The following ATP2B2 variants were observed in gnomAD, a reference collection of about 807,000 sequenced individuals.
The protein encoded by ATP2B2 is ATPase plasma membrane Ca2+ transporting 2.
In ATP2B2, 15 loss-of-function variants were observed where a neutral mutation model predicts 120.0. That is an observed-to-expected ratio of 0.12 (90% CI 0.08 to 0.19). The LOEUF is 0.19. Among genes scored for constraint, ATP2B2 ranks in the 10% least tolerant of loss-of-function variants. ATP2B2 has a pLI of 1.00. For missense variants in ATP2B2, 1,045 were observed against 1,719.8 expected, an observed-to-expected ratio of 0.61 and a Z score of 6.94; for synonymous variants, 694 against 700.3, an observed-to-expected ratio of 0.99 and a Z score of 0.14.
chr3:10,602,073 G>C (rs1256611887), intron 2 of ATP2B2, among the ~76,000 whole-genome samples: 1 of 152,234 alleles, frequency 6.6e-6, no homozygotes, highest in East Asian at 1.9e-4. Flanking sequence ...TGAGGCTCCA[G>C]CGGCTCTCCT....
chr3:10,628,577 T>G (rs2069773579), intron 1 of ATP2B2, among the ~76,000 whole-genome samples: 1 of 152,192 alleles, frequency 6.6e-6, no homozygotes, highest in African/African-American at 2.4e-5. Flanking sequence ...CATGCAATAG[T>G]GAAAGTGATG....
chr3:10,631,371 T>C (rs985579228), intron 1 of ATP2B2, among the ~76,000 whole-genome samples: 151 of 152,350 alleles, frequency 9.9e-4, no homozygotes, highest in African/African-American at 3.5e-3. Flanking sequence ...AGGTCCATCT[T>C]TCCTTTAGGA....
chr3:10,465,540 T>C (rs925947923), intron 1 of ATP2B2, among the ~76,000 whole-genome samples: 1 of 152,256 alleles, frequency 6.6e-6, no homozygotes, highest in Non-Finnish European at 1.5e-5. Flanking sequence ...GGATCTGTCC[T>C]CTGTGAGACA....
chr3:10,359,293 T>G (rs2060828864), intron 13 of ATP2B2, among the ~76,000 whole-genome samples: 1 of 152,082 alleles, frequency 6.6e-6, no homozygotes, highest in African/African-American at 2.4e-5. Context: ...GCCCCAGAGG[T>G]TCCAGTTCAA....
intron 2 of ATP2B2, among the ~76,000 whole-genome samples, chr3:10,610,112 CAT>C (rs1382112520): frequency 5.5e-4 from 79 of 144,684 alleles, no homozygotes; most frequent in African/African-American, 2.0e-3. Flanking sequence ...CATATATACA[CAT>C]ATATGCATAA....
chr3:10,524,328 T>C (rs1407800412), intron 3 of ATP2B2, among the ~76,000 whole-genome samples: 1 of 152,212 alleles, frequency 6.6e-6, no homozygotes, highest in Non-Finnish European at 1.5e-5. Context: ...CTAAGCACTA[T>C]ACCCACACCA....
At chr3:10,640,298 A>G (rs1207024071) in intron 1 of ATP2B2, among the ~76,000 whole-genome samples, 5 of 152,236 alleles carry the variant, frequency 3.3e-5, no homozygotes, top group African/African-American at 9.6e-5. Flanking sequence ...GACAGAAAGG[A>G]CAGGGGTTTC....
rs2067071082 is a variant in ATP2B2 at position 10,525,376 on chromosome 3, GA to G, written c.-320+8662del. On this transcript the variant is annotated intron_variant, in intron 3 of 21. Coordinates refer to the ATP2B2 transcript ENST00000646379. ...ATCTTGAAATAACCTTTTTGTTTTA[GA>G]AGAGTTTTAGATTTACAAAAAAATT... Among the ~76,000 whole-genome samples, 5 of 152,214 alleles carry G rather than the reference GA, an allele frequency of 3.3e-5. No individual in the cohort carries two copies. In the South Asian group the frequency reaches 1.0e-3, roughly 32 times the overall value.
intron 5 of ATP2B2, among the ~76,000 whole-genome samples, chr3:10,397,969 AG>A (rs747348036): frequency 6.6e-6 from 1 of 151,828 alleles, no homozygotes; most frequent in Non-Finnish European, 1.5e-5. Flanking sequence ...GTTTGAGCTG[AG>A]CCACACTCCT....
At chr3:10,530,861 A>C (rs1185011548) in intron 3 of ATP2B2, among the ~76,000 whole-genome samples, 1 of 152,196 alleles carries the variant, frequency 6.6e-6, no homozygotes, top group Admixed American at 6.5e-5. Context: ...AATTCTGCCG[A>C]TTGAACTTAT....
At position 10,656,730 on chromosome 3, in the gene ATP2B2, T is replaced by C. The variant is rs541701138; in HGVS notation, c.-459-36769A>G. ...ATGGCACCAGTCTGATGACTAGAGATGTTACAAGTGTTTTGAAGGAACCAA... is the reference window on the plus strand; with the variant it reads ...ATGGCACCAGTCTGATGACTAGAGACGTTACAAGTGTTTTGAAGGAACCAA... On this transcript the variant is annotated intron_variant, in intron 1 of 21. Transcript: ENST00000646379. 1.9e-4 allele frequency among the ~76,000 whole-genome samples: 29 copies of C among 152,318 alleles called. 1 individual carries two copies. In the East Asian group the frequency reaches 2.9e-3, roughly 15 times the overall value.
At chr3:10,548,249 G>A (rs1406467538) in intron 2 of ATP2B2, among the ~76,000 whole-genome samples, 2 of 152,204 alleles carry the variant, frequency 1.3e-5, no homozygotes, top group African/African-American at 2.4e-5. Flanking sequence ...ATATAGAAAC[G>A]AACCCACTTA....
chr3:10,535,385 A>ATGTGTGTGTGTGTGTG (rs34707434), intron 2 of ATP2B2, among the ~76,000 whole-genome samples: 20 of 147,158 alleles, frequency 1.4e-4, no homozygotes, highest in African/African-American at 5.0e-4. Flanking sequence ...CAGCAGTTTG[A>ATGTGTGTGTGTGTGTG]TGTGTGTGTG....
At chr3:10,420,997 A>G (rs1480766967) in intron 2 of ATP2B2, among the ~76,000 whole-genome samples, 2 of 152,154 alleles carry the variant, frequency 1.3e-5, no homozygotes, top group Non-Finnish European at 2.9e-5. Flanking sequence ...TGGTCCCTGG[A>G]GCGGCGGCTT....
chr3:10,370,384 G>A (rs558533101), intron 12 of ATP2B2, among the ~76,000 whole-genome samples: 1 of 152,340 alleles, frequency 6.6e-6, no homozygotes, highest in Admixed American at 6.5e-5. Context: ...GGAAGTCCTG[G>A]GGAGCAGAAT....
At chr3:10,351,121 C>T (rs560069334) in intron 14 of ATP2B2, among the ~76,000 whole-genome samples, 13 of 152,170 alleles carry the variant, frequency 8.5e-5, no homozygotes, top group South Asian at 2.1e-4. Flanking sequence ...AGGTAAAATA[C>T]GCCATTTCTC....
intron 3 of ATP2B2, among the ~76,000 whole-genome samples, chr3:10,522,851 C>G (rs2067012182): frequency 6.6e-6 from 1 of 152,196 alleles, no homozygotes; most frequent in Non-Finnish European, 1.5e-5. Flanking sequence ...CCTTGGATGC[C>G]TCATGTTTTC....
chr3:10,642,231 G>A (rs1377615551), intron 1 of ATP2B2, among the ~76,000 whole-genome samples: 1 of 152,222 alleles, frequency 6.6e-6, no homozygotes, highest in Non-Finnish European at 1.5e-5. Flanking sequence ...AAATAGGGAG[G>A]ATGAAAGTAG....
At chr3:10,428,362 C>G (rs2063207505) in intron 2 of ATP2B2, among the ~76,000 whole-genome samples, 1 of 152,082 alleles carries the variant, frequency 6.6e-6, no homozygotes, top group Admixed American at 6.5e-5. Context: ...TCTATTTTTC[C>G]TTTAGGGCTG....
Sources: allele counts gnomAD v4.1 joint callset (sites outside exome capture counted in the v4.1 genomes callset), GRCh38; gene constraint gnomAD v4.1.1; transcripts MANE v1.5; gene names NCBI Gene and HGNC (gene_info 2026-07-23, HGNC 2026-07-21).